The following POLA1 variants were observed in gnomAD, a reference collection of about 807,000 sequenced individuals.
POLA1 encodes the protein DNA polymerase alpha catalytic subunit.
In POLA1, 15 loss-of-function variants were observed where a neutral mutation model predicts 124.0. That is an observed-to-expected ratio of 0.12 (90% CI 0.08 to 0.19). The LOEUF (loss-of-function observed/expected upper bound fraction) is 0.19. Ranked by LOEUF, POLA1 falls within the 10% of genes least tolerant of loss-of-function variation. The pLI, the probability that POLA1 is intolerant of heterozygous loss-of-function variation, is 1.00. For missense variants in POLA1, 886 were observed against 1,103.4 expected, an observed-to-expected ratio of 0.80 and a Z score of 2.79; for synonymous variants, 408 against 389.4, an observed-to-expected ratio of 1.05 and a Z score of -0.56.
At chrX:24,971,507 T>A (rs2048302120) in intron 36 of POLA1, among the ~76,000 whole-genome samples, 1 of 112,478 alleles carries the variant, frequency 8.9e-6, no homozygotes, top group South Asian at 3.7e-4. Flanking sequence ...ATGTAGCTAG[T>A]GCAAAGCAAC....
intron 26 of POLA1, among the ~76,000 whole-genome samples, chrX:24,763,481 T>G (rs1406590170): frequency 9.0e-6 from 1 of 110,936 alleles, no homozygotes; most frequent in African/African-American, 3.3e-5. Flanking sequence ...TGGGGAGTCA[T>G]TGGTTTATAG....
chrX:24,929,815 A>C (rs781177855), intron 35 of POLA1, among the ~76,000 whole-genome samples: 1 of 112,134 alleles, frequency 8.9e-6, no homozygotes, highest in Non-Finnish European at 1.9e-5. Context: ...CGTCTCCTAC[A>C]CTTTGTTGAA....
intron 26 of POLA1, among the ~76,000 whole-genome samples, chrX:24,760,907 A>C (rs1279875011): frequency 8.9e-6 from 1 of 111,846 alleles, no homozygotes; most frequent in African/African-American, 3.3e-5. Flanking sequence ...TACCAGAGTC[A>C]GGTTGTGCAG....
chrX:24,931,715 C>G (rs2047781927), intron 36 of POLA1, among the ~76,000 whole-genome samples: 1 of 112,119 alleles, frequency 8.9e-6, no homozygotes, highest in Non-Finnish European at 1.9e-5. Context: ...TATTCATGGT[C>G]AATGTCTAGC....
chrX:24,994,397 G>A (rs2048574384), intron 36 of POLA1, among the ~76,000 whole-genome samples: 1 of 112,706 alleles, frequency 8.9e-6, no homozygotes, highest in Non-Finnish European at 1.9e-5. Context: ...TTCCCGTGTT[G>A]CTGTTGTTGG....
chrX:24,724,588 A>G (rs1930417679), intron 12 of POLA1, 137 bp downstream of exon 12: 1 of 409,421 alleles, frequency 2.4e-6, no homozygotes, highest in East Asian at 4.0e-5. Flanking sequence ...TTTCATAGGT[A>G]TGAATGTAAA....
chrX:24,788,970 C>T, intron 26 of POLA1: 1 of 1,209,652 alleles, frequency 8.3e-7, no homozygotes, highest in African/African-American at 1.7e-5. Context: ...ACTGCCACAT[C>T]TGCTTGTGAT....
At position 24,872,716 on chromosome X, in the gene POLA1, C is replaced by T. The variant is rs1039701453; in HGVS notation, c.4048-15290C>T. On this transcript the variant is annotated intron_variant, in intron 34 of 36. Coordinates refer to ENST00000379068, the MANE Select transcript of POLA1 (RefSeq NM_001330360.2). Reference sequence around the variant, plus strand: ...TTTTGTTTTTTAAAAGGGGGTAGTTCACGTCAGTAGGAATAATCATCTGGA... The same window carrying T: ...TTTTGTTTTTTAAAAGGGGGTAGTTTACGTCAGTAGGAATAATCATCTGGA... 2.7e-5 allele frequency among the ~76,000 whole-genome samples: 3 copies of T among 111,377 alleles called. No individual in the cohort carries two copies. The Admixed American group carries it at 2.9e-4, about 11-fold the overall frequency.
Position 24,841,501 on chromosome X carries a change from G to A in POLA1, c.3737-151G>A, listed in dbSNP as rs1422641869. The A allele has an allele frequency of 4.3e-5, 16 of 372,293 alleles. No individual in the cohort carries two copies. In the East Asian group the frequency reaches 5.7e-4, roughly 13 times the overall value. The allele number at this position is 372,293 out of a possible 1,213,427, so 30.7% of individuals were successfully genotyped here. A position where few individuals can be genotyped will look rare whatever the true frequency, so the allele number is the denominator to read the frequency against. The stretch of plus-strand genomic sequence containing the variant: ...TTGTTTTATTTATAAAGTATCTCTT[G>A]TAAAAAGAGAAGTCATTTGTCCATG... On this transcript the variant is annotated intron_variant, in intron 32 of 36. Coordinates refer to ENST00000379068, the MANE Select transcript of POLA1 (RefSeq NM_001330360.2).
chrX:24,988,961 A>G (rs751541000), intron 36 of POLA1, among the ~76,000 whole-genome samples: 2 of 111,710 alleles, frequency 1.8e-5, no homozygotes, highest in Non-Finnish European at 3.8e-5. Flanking sequence ...GTGAGACTCC[A>G]TCTCATAAAT....
At chrX:24,712,081 T>G (rs1037601583) in intron 4 of POLA1, among the ~76,000 whole-genome samples, 1 of 109,962 alleles carries the variant, frequency 9.1e-6, no homozygotes, top group Non-Finnish European at 1.9e-5. Context: ...TTCATTTGCA[T>G]TTTTTTTTGT....
chrX:24,882,579 T>G (rs1201220049), intron 34 of POLA1, among the ~76,000 whole-genome samples: 2 of 111,513 alleles, frequency 1.8e-5, no homozygotes, highest in Non-Finnish European at 1.9e-5. Flanking sequence ...TTTGGTTTTC[T>G]GTTCCTGCAT....
intron 4 of POLA1, among the ~76,000 whole-genome samples, chrX:24,710,097 C>T (rs1224947351): frequency 1.1e-5 from 1 of 94,582 alleles, no homozygotes; most frequent in Non-Finnish European, 2.1e-5. Context: ...CGCTGCCTCC[C>T]GGGCGGCGCT....
chrX:24,920,589 G>A (rs985166601), intron 35 of POLA1, among the ~76,000 whole-genome samples: 1 of 112,021 alleles, frequency 8.9e-6, no homozygotes, highest in African/African-American at 3.2e-5. Flanking sequence ...AGGATCAAGG[G>A]GCTTGGACAC....
intron 34 of POLA1, among the ~76,000 whole-genome samples, chrX:24,865,949 A>G (rs1354532895): frequency 8.9e-6 from 1 of 111,949 alleles, no homozygotes; most frequent in Non-Finnish European, 1.9e-5. Context: ...AGCACAAGCA[A>G]TGTGACTGAG....
intron 26 of POLA1, among the ~76,000 whole-genome samples, chrX:24,750,338 T>C (rs1282562427): frequency 8.8e-6 from 1 of 113,048 alleles, no homozygotes; most frequent in Non-Finnish European, 1.9e-5. Context: ...CTGTAGTCTC[T>C]AGCCACAAGT....
At chrX:24,909,852 T>G (rs2047422804) in intron 35 of POLA1, among the ~76,000 whole-genome samples, 1 of 109,947 alleles carries the variant, frequency 9.1e-6, no homozygotes, top group Admixed American at 9.7e-5. Context: ...ACGATATTGA[T>G]TCTTCCTAGC....
At chrX:24,739,650 G>C in intron 20 of POLA1, 100 bp downstream of exon 20, 1 of 480,896 alleles carries the variant, frequency 2.1e-6, no homozygotes, top group Non-Finnish European at 3.4e-6. Flanking sequence ...AGCCAGTGGT[G>C]TTGTAGAGGG....
At chrX:24,878,129 G>C (rs1023047417) in intron 34 of POLA1, among the ~76,000 whole-genome samples, 4 of 110,638 alleles carry the variant, frequency 3.6e-5, no homozygotes, top group Middle Eastern at 4.2e-3. Flanking sequence ...AACCATGAAA[G>C]ATATTCAGTT....
Sources: gnomAD v4.1 joint callset for allele counts (sites outside exome capture counted in the v4.1 genomes callset) on GRCh38, gnomAD v4.1.1 for gene constraint, MANE v1.5 for transcripts, NCBI Gene and HGNC (gene_info 2026-07-23, HGNC 2026-07-21) for gene names.